The following SNX30 variants were observed in gnomAD, a reference collection of about 807,000 sequenced individuals.
SNX30 encodes the protein sorting nexin-30.
Under a neutral mutation model 46.4 loss-of-function variants are expected in SNX30, and 24 were observed. That is an observed-to-expected ratio of 0.52 (90% CI 0.37 to 0.73). The LOEUF (loss-of-function observed/expected upper bound fraction) is 0.73, where lower values mean the gene tolerates loss of function less well. SNX30 is among the 30% of genes least tolerant of loss of function. The probability of loss-of-function intolerance (pLI) is 0.00; values close to 1 mark genes in which losing one functional copy is unlikely to be tolerated. For synonymous variants in SNX30, 189 were observed against 211.5 expected (o/e 0.89, Z 0.92); for missense variants, 533 against 555.7 (o/e 0.96, Z 0.41).
At chr9:112,829,064 C>A (rs1334002328) in intron 3 of SNX30, among the ~76,000 whole-genome samples, 4 of 152,114 alleles carry the variant, frequency 2.6e-5, no homozygotes, top group Non-Finnish European at 4.4e-5. Context: ...AGGGTTTTTC[C>A]ATGATGTAGC....
Position 112,796,988 on chromosome 9 carries a change from T to C in SNX30, c.157-7788T>C, listed in dbSNP as rs183180792. ...ACCCCCTCCTCCCCAGCCTGTGATC[T>C]GATGGCCCACAGGTCACCCAGGCTC... On this transcript the variant is annotated intron_variant, in intron 1 of 8. Coordinates refer to ENST00000374232, the MANE Select transcript of SNX30 (RefSeq NM_001012994.2). Among the ~76,000 whole-genome samples, 15 of 152,344 alleles carry C rather than the reference T, an allele frequency of 9.8e-5. No homozygotes were observed. In the East Asian group the frequency reaches 2.5e-3, roughly 25 times the overall value.
At chr9:112,834,882 A>ACACACACACACACACACAC (rs56385707) in intron 4 of SNX30, among the ~76,000 whole-genome samples, 4 of 105,246 alleles carry the variant, frequency 3.8e-5, no homozygotes, top group South Asian at 2.8e-4. Flanking sequence ...ACACACACAC[A>ACACACACACACACACACAC]CCTACCTCAA....
chr9:112,768,671 T>C (rs1588109454), intron 1 of SNX30, among the ~76,000 whole-genome samples: 1 of 145,998 alleles, frequency 6.8e-6, no homozygotes, highest in Non-Finnish European at 1.5e-5. Context: ...TTTTTTTTTT[T>C]TTTTGAGACG....
chr9:112,762,771 CAG>C (rs754498929), intron 1 of SNX30, among the ~76,000 whole-genome samples: 11 of 152,172 alleles, frequency 7.2e-5, no homozygotes, highest in Non-Finnish European at 1.3e-4. Flanking sequence ...GGCAGCGAGA[CAG>C]GGAAGGGAAG....
chr9:112,832,807 T>C (rs948204255), intron 4 of SNX30, among the ~76,000 whole-genome samples: 1 of 145,960 alleles, frequency 6.9e-6, no homozygotes, highest in Admixed American at 6.9e-5. Flanking sequence ...TTAGAAAAAA[T>C]ATATATTATA....
In SNX30 at chr9:112,869,194, G is replaced by T. The variant is rs1841407024; in HGVS notation, c.*351G>T. The T allele has an allele frequency of 4.3e-6, 1 of 232,844 alleles. No individual in the cohort carries two copies. Among genetic ancestry groups the T allele is most frequent in the Non-Finnish European group, 8.7e-6 (1 of 114,776 alleles). 14.4% of individuals were successfully genotyped at this position (232,844 alleles called of 1,614,324 possible). On this transcript the variant is annotated 3_prime_UTR_variant, in exon 9 of 9. Coordinates refer to ENST00000374232, the MANE Select transcript of SNX30 (RefSeq NM_001012994.2). ...TTTCCTCTTTAGGGACAGCTGAGTT[G>T]CCAGTTGTGGGAGAGAACCCGGGGC...
intron 7 of SNX30, among the ~76,000 whole-genome samples, chr9:112,859,513 A>G (rs1033313576): frequency 6.6e-6 from 1 of 152,154 alleles, no homozygotes; most frequent in African/African-American, 2.4e-5. Context: ...TCTATTTTAA[A>G]ATTTTTGAGG....
At chr9:112,822,829 T>G (rs12555600) in intron 3 of SNX30, among the ~76,000 whole-genome samples, 23,970 of 152,200 alleles carry the variant, frequency 0.16, 2,162 homozygotes, top group Admixed American at 0.23. Flanking sequence ...CTTTGTCCGG[T>G]GTATCCACGC....
At chr9:112,790,967 A>G (rs895231302) in intron 1 of SNX30, among the ~76,000 whole-genome samples, 9 of 152,170 alleles carry the variant, frequency 5.9e-5, no homozygotes, top group African/African-American at 2.2e-4. Context: ...CAAATACTTT[A>G]TATCTGAATG....
chr9:112,797,323 C>G (rs1840122537), intron 1 of SNX30, among the ~76,000 whole-genome samples: 1 of 152,176 alleles, frequency 6.6e-6, no homozygotes, highest in South Asian at 2.1e-4. Flanking sequence ...ACCCACTACT[C>G]TCTTTTAAAA....
intron 3 of SNX30, among the ~76,000 whole-genome samples, chr9:112,818,479 C>T (rs141337709): frequency 2.6e-5 from 4 of 152,358 alleles, no homozygotes; most frequent in Admixed American, 2.6e-4. Context: ...ATCCACCGAC[C>T]TCAGCCTCCC....
intron 5 of SNX30, among the ~76,000 whole-genome samples, chr9:112,880,850 G>A (rs1841567435): frequency 6.6e-6 from 1 of 152,136 alleles, no homozygotes; most frequent in Non-Finnish European, 1.5e-5. Flanking sequence ...GGGAGAGATT[G>A]TCTGAAGGAA....
At chr9:112,851,065 G>A in intron 7 of SNX30, 120 bp downstream of exon 7, 1 of 608,304 alleles carries the variant, frequency 1.6e-6, no homozygotes, top group Non-Finnish European at 2.9e-6. Context: ...CTACGTTGAT[G>A]ATGTTGTCCT....
chr9:112,825,507 TG>T (rs2131435481), intron 3 of SNX30, among the ~76,000 whole-genome samples: 1 of 152,240 alleles, frequency 6.6e-6, no homozygotes, highest in Non-Finnish European at 1.5e-5. Flanking sequence ...TTGCCCAAGC[TG>T]GTCTGGAGCT....
At chr9:112,756,482 T>C (rs1040113633) in intron 1 of SNX30, among the ~76,000 whole-genome samples, 4 of 136,060 alleles carry the variant, frequency 2.9e-5, no homozygotes, top group Admixed American at 8.3e-5. Context: ...TCTTGCCCTG[T>C]TGCCCAGGCT....
intron 1 of SNX30, among the ~76,000 whole-genome samples, chr9:112,755,214 C>T (rs976072703): frequency 3.3e-5 from 5 of 152,208 alleles, no homozygotes; most frequent in Admixed American, 6.5e-5. Context: ...GAGGATTTGG[C>T]AGGCCTTGTT....
chr9:112,804,133 T>TTCCTATTCGGCCA (rs1360108991), intron 1 of SNX30, among the ~76,000 whole-genome samples: 3 of 151,430 alleles, frequency 2.0e-5, no homozygotes, highest in Non-Finnish European at 4.4e-5. Flanking sequence ...ACCGGAGCTG[T>TTCCTATTCGGCCA]TCCTATTCGG....
chr9:112,829,770 G>C (rs927009858), intron 3 of SNX30, among the ~76,000 whole-genome samples: 2 of 151,334 alleles, frequency 1.3e-5, no homozygotes, highest in Non-Finnish European at 3.0e-5. Context: ...TTTTTTGTTT[G>C]TTTTGTTTTT....
Position 112,869,073 on chromosome 9 carries a change from C to T in SNX30, c.*230C>T. The stretch of plus-strand genomic sequence containing the variant: ...ATCTCTCAGCAAGAGCAGCATACCT[C>T]CATGTTGTGAAGGCATCTGTTCAGT... On this transcript the variant is annotated 3_prime_UTR_variant, in exon 9 of 9. Coordinates refer to ENST00000374232, the MANE Select transcript of SNX30 (RefSeq NM_001012994.2). The T allele has an allele frequency of 1.7e-6, 1 of 573,902 alleles. No homozygotes were observed. 35.6% of individuals were successfully genotyped at this position (573,902 alleles called of 1,614,324 possible).
Sources: gnomAD v4.1 joint callset for allele counts (sites outside exome capture counted in the v4.1 genomes callset) on GRCh38, gnomAD v4.1.1 for gene constraint, MANE v1.5 for transcripts, NCBI Gene and HGNC (gene_info 2026-07-23, HGNC 2026-07-21) for gene names.